The following ERLIN1 variants were observed in gnomAD, a reference collection of about 807,000 sequenced individuals.
ERLIN1 encodes ER lipid raft associated 1.
Under a neutral mutation model 46.9 loss-of-function variants are expected in ERLIN1, and 24 were observed. That is an observed-to-expected ratio of 0.51 (90% CI 0.37 to 0.72). The LOEUF is 0.72. ERLIN1 is among the 30% of genes least tolerant of loss of function. The pLI is 0.00. For missense variants in ERLIN1, 293 were observed against 417.9 expected (o/e 0.70, Z 2.61); for synonymous variants, 158 against 143.2 (o/e 1.10, Z -0.74).
intron 7 of ERLIN1, among the ~76,000 whole-genome samples, chr10:100,164,767 A>G (rs780431332): frequency 1.3e-5 from 2 of 152,230 alleles, no homozygotes; most frequent in Non-Finnish European, 1.5e-5. Flanking sequence ...TCCACACATA[A>G]GCACTTAAGG....
At chr10:100,156,097 G>A in intron 9 of ERLIN1, 48 bp downstream of exon 9, 7 of 1,192,700 alleles carry the variant, frequency 5.9e-6, no homozygotes, top group Non-Finnish European at 8.7e-6. Flanking sequence ...GGAGCAGAGA[G>A]GAGGCAGTTC....
chr10:100,160,242 AT>A, intron 8 of ERLIN1, among the ~76,000 whole-genome samples: 2 of 152,310 alleles, frequency 1.3e-5, no homozygotes, highest in South Asian at 4.1e-4. Context: ...AAATCAATAG[AT>A]TAACTGTTAC....
chr10:100,165,541 C>T (rs1843585458), intron 7 of ERLIN1, among the ~76,000 whole-genome samples: 1 of 151,964 alleles, frequency 6.6e-6, no homozygotes, highest in Non-Finnish European at 1.5e-5. Flanking sequence ...CGCCCACCAC[C>T]ATGCCTGGCT....
intron 3 of ERLIN1, 56 bp downstream of exon 3, chr10:100,179,144 AG>A: frequency 7.7e-7 from 1 of 1,302,790 alleles, no homozygotes; most frequent in Non-Finnish European, 1.1e-6. Context: ...TCATAGCTGT[AG>A]GAACAGAAAC....
At chr10:100,154,312 T>A (rs1008709443) in intron 10 of ERLIN1, among the ~76,000 whole-genome samples, 7 of 152,136 alleles carry the variant, frequency 4.6e-5, no homozygotes, top group Non-Finnish European at 1.0e-4. Context: ...AATAGTTTTT[T>A]AAATCCAATA....
intron 5 of ERLIN1, among the ~76,000 whole-genome samples, chr10:100,175,480 CAT>C (rs1844241925): frequency 6.6e-6 from 1 of 152,166 alleles, no homozygotes; most frequent in Non-Finnish European, 1.5e-5. Context: ...GAATTAGGCA[CAT>C]GTTTGACTCT....
chr10:100,173,564 G>A (rs963528939), intron 6 of ERLIN1, among the ~76,000 whole-genome samples: 20 of 152,036 alleles, frequency 1.3e-4, no homozygotes, highest in African/African-American at 4.8e-4. Flanking sequence ...AAAAAAAGCA[G>A]GGGTAAAACC....
chr10:100,150,233 C>G lies in ERLIN1; in HGVS notation c.*1898G>C, dbSNP rs183079687. ...GGCCAGCCTCAGAGCTGAGAGGGCA[C>G]AGGGAGGCACACTCCTCACACATGG... On this transcript the variant is annotated 3_prime_UTR_variant, in exon 11 of 11. Transcript: ENST00000421367. 74 of 146,260 alleles carry G rather than the reference C, an allele frequency of 5.1e-4. No homozygotes were observed. The highest frequency in any genetic ancestry group is 1.3e-3 in the African/African-American group (51 of 38,098). The allele number at this position is 146,260 out of a possible 1,614,324, so 9.1% of individuals were successfully genotyped here. A position where few individuals can be genotyped will look rare whatever the true frequency, so the allele number is the denominator to read the frequency against.
intron 2 of ERLIN1, among the ~76,000 whole-genome samples, chr10:100,179,767 G>C (rs1844532143): frequency 6.6e-6 from 1 of 152,054 alleles, no homozygotes; most frequent in East Asian, 1.9e-4. Context: ...TACAGCGAAT[G>C]TTTGAATTAA....
intron 10 of ERLIN1, among the ~76,000 whole-genome samples, chr10:100,153,336 CCT>C (rs1485421251): frequency 1.3e-5 from 2 of 152,160 alleles, no homozygotes; most frequent in Admixed American, 6.5e-5. Flanking sequence ...ACCAGATCTC[CCT>C]CTGTCACACT....
intron 5 of ERLIN1, 134 bp from the exon 6 acceptor site, chr10:100,174,415 C>T (rs1844177502): frequency 3.3e-6 from 2 of 602,758 alleles, no homozygotes; most frequent in East Asian, 2.8e-5. Context: ...CTTAAACTGC[C>T]TTTTCTTCCC....
At chr10:100,155,015 T>G in intron 9 of ERLIN1, 76 bp from the exon 10 acceptor site, 3 of 1,180,476 alleles carry the variant, frequency 2.5e-6, no homozygotes, top group Non-Finnish European at 3.7e-6. Context: ...CTGCTTAATA[T>G]TGTGACTGCT....
At position 100,164,460 on chromosome 10, in the gene ERLIN1, G is replaced by A. The variant is rs939592568; in HGVS notation, c.564-365C>T. 2.6e-5 allele frequency among the ~76,000 whole-genome samples: 4 copies of A among 152,258 alleles called. No homozygotes were observed. In the Middle Eastern group the frequency reaches 0.01, roughly 388 times the overall value. On this transcript the variant is annotated intron_variant, in intron 7 of 10. Coordinates refer to ENST00000421367, the MANE Select transcript of ERLIN1 (RefSeq NM_006459.4). ...AGCAGCTCTGTGCCAATTAGAAAAC[G>A]GCACCAGCCGTTTCTACAGTCCTGC...
intron 2 of ERLIN1, among the ~76,000 whole-genome samples, chr10:100,180,375 T>A (rs1047850793): frequency 4.6e-5 from 7 of 152,032 alleles, no homozygotes; most frequent in African/African-American, 1.7e-4. Flanking sequence ...AATCAATCCA[T>A]CAACAGGTAC....
At position 100,150,668 on chromosome 10, in the gene ERLIN1, G is replaced by A. The variant is rs914421356; in HGVS notation, c.*1463C>T. 2 of 152,602 alleles carry A rather than the reference G, an allele frequency of 1.3e-5. No individual in the cohort carries two copies. The highest frequency in any genetic ancestry group is 4.8e-5 in the African/African-American group (2 of 41,438). 9.5% of individuals were successfully genotyped at this position (152,602 alleles called of 1,614,324 possible). A position where few individuals can be genotyped will look rare whatever the true frequency, so the allele number is the denominator to read the frequency against. ...TTTGGCACAACCAACAAACTGTCATGAGACTGACAGGCCTGACAGCTGAAA... is the reference window on the plus strand; with the variant it reads ...TTTGGCACAACCAACAAACTGTCATAAGACTGACAGGCCTGACAGCTGAAA... On this transcript the variant is annotated 3_prime_UTR_variant, in exon 11 of 11. Coordinates refer to ENST00000421367, the MANE Select transcript of ERLIN1 (RefSeq NM_006459.4).
In ERLIN1 at chr10:100,183,766, C is replaced by G; in HGVS notation, c.185G>C (p.Arg62Thr). 2 of 1,612,434 alleles carry G rather than the reference C, an allele frequency of 1.2e-6. No homozygotes were observed. Among genetic ancestry groups the G allele is most frequent in the Non-Finnish European group, 1.7e-6 (2 of 1,178,602 alleles). The part of the protein sequence containing the change: ...HIMLPFITTF[R>T]SVQTTLQTDE... ...CTAGGAATCACTCACCTGCACAGAT[C>G]TGAACGTAGTAATGAAAGGCAACAT... The change falls in exon 2 of 11, where the codon AGA becomes ACA. Residue 62 changes from arginine to threonine, a missense_variant. Around this residue, in one of 3 missense-constraint regions of ERLIN1, gnomAD observed 76 missense variants for 77.0 expected, o/e 0.99. Transcript: ENST00000421367.
Position 100,185,597 on chromosome 10 carries a change from C to A in ERLIN1, c.30G>T (p.Val10=). 6.2e-7 allele frequency: 1 copy of A among 1,614,060 alleles called. No individual in the cohort carries two copies. The highest frequency in any genetic ancestry group is 8.5e-7 in the Non-Finnish European group (1 of 1,179,894). ...CAGCCACCAACCCCACCACTGCAGC[C>A]ACCAGAACCCGGGCTTGAGTCATAT... The part of the protein sequence containing the change: MNMTQARVL[V]AAVVGLVAVL... The change falls in exon 1 of 11, where the codon GTG becomes GTT. Residue 10 remains valine (V), a synonymous_variant. Transcript: ENST00000421367.
intron 4 of ERLIN1, among the ~76,000 whole-genome samples, chr10:100,177,591 T>C (rs771781446): frequency 7.9e-5 from 12 of 152,346 alleles, no homozygotes; most frequent in Middle Eastern, 3.4e-3. Flanking sequence ...CCAGTTTTAT[T>C]AACAAGCATG....
Position 100,155,436 on chromosome 10 carries a change from T to C in ERLIN1, c.746-497A>G, listed in dbSNP as rs572370110. 8.3e-4 allele frequency among the ~76,000 whole-genome samples: 126 copies of C among 151,346 alleles called. 1 individual carries two copies. The highest frequency in any genetic ancestry group is 3.0e-3 in the African/African-American group (122 of 40,832). ...AGTGTGAGGCCCTCCATGAAAACTG[T>C]TTTTCCCCCCAATTAATTTTGTTTT... On this transcript the variant is annotated intron_variant, in intron 9 of 10. Coordinates refer to ENST00000421367, the MANE Select transcript of ERLIN1 (RefSeq NM_006459.4).
Sources: gnomAD v4.1 joint callset for allele counts (sites outside exome capture counted in the v4.1 genomes callset) on GRCh38, gnomAD v4.1.1 for gene constraint, gnomAD v4.1.1 regional missense constraint, MANE v1.5 for transcripts, NCBI Gene and HGNC (gene_info 2026-07-23, HGNC 2026-07-21) for gene names.